SNX24: variants seen among roughly 807,000 people sequenced by gnomAD.
SNX24 encodes the protein sorting nexin-24.
Under a neutral mutation model 28.7 loss-of-function variants are expected in SNX24, and 22 were observed. That is an observed-to-expected ratio of 0.77 (90% CI 0.55 to 1.10). SNX24 has a LOEUF of 1.10. SNX24 is among the 50% of genes least tolerant of loss of function. The pLI is 0.00. For synonymous variants in SNX24, 69 were observed against 71.5 expected, an observed-to-expected ratio of 0.96 and a Z score of 0.18; for missense variants, 221 against 201.1, an observed-to-expected ratio of 1.10 and a Z score of -0.60.
intron 3 of SNX24, among the ~76,000 whole-genome samples, chr5:122,964,533 A>T (rs1049464790): frequency 1.3e-5 from 2 of 152,136 alleles, no homozygotes; most frequent in East Asian, 3.8e-4. Context: ...CAAATATTAT[A>T]TCATCTATAA....
chr5:122,852,095 T>C (rs991619048), intron 1 of SNX24, among the ~76,000 whole-genome samples: 1 of 150,754 alleles, frequency 6.6e-6, no homozygotes, highest in Non-Finnish European at 1.5e-5. Context: ...TATAAATATA[T>C]ACACACACAC....
At chr5:122,940,446 A>C (rs536895113) in intron 2 of SNX24, among the ~76,000 whole-genome samples, 42 of 152,224 alleles carry the variant, frequency 2.8e-4, no homozygotes, top group Admixed American at 6.5e-4. Flanking sequence ...ACTCAAATAC[A>C]CTGAAACGGG....
At chr5:122,849,042 C>G (rs1450375243) in intron 1 of SNX24, among the ~76,000 whole-genome samples, 1 of 152,130 alleles carries the variant, frequency 6.6e-6, no homozygotes, top group Non-Finnish European at 1.5e-5. Flanking sequence ...TAATTTTTTC[C>G]CCAGGTATCT....
intron 1 of SNX24, among the ~76,000 whole-genome samples, chr5:122,899,137 AAC>A (rs1757325811): frequency 6.6e-6 from 1 of 152,160 alleles, no homozygotes; most frequent in South Asian, 2.1e-4. Context: ...CCACCTGAAG[AAC>A]ACAGTCTCTT....
At chr5:122,880,751 A>T (rs1756444556) in intron 1 of SNX24, among the ~76,000 whole-genome samples, 1 of 152,204 alleles carries the variant, frequency 6.6e-6, no homozygotes, top group South Asian at 2.1e-4. Context: ...CAATAGAAGG[A>T]GTAGGGTGTA....
chr5:122,980,369 A>G lies in SNX24; in HGVS notation c.250-19543A>G, dbSNP rs942885976. 2.8e-4 allele frequency among the ~76,000 whole-genome samples: 43 copies of G among 152,064 alleles called. 1 individual carries two copies. The highest frequency in any genetic ancestry group is 1.0e-3 in the African/African-American group (42 of 41,414). On this transcript the variant is annotated intron_variant, in intron 3 of 6. Coordinates refer to ENST00000261369, the MANE Select transcript of SNX24 (RefSeq NM_014035.4). Reference sequence around the variant, plus strand: ...TTATTCCTTATAATGGAAATGTTTTATTGTATGCTATTTTTCTTGTTTGTG... The same window carrying G: ...TTATTCCTTATAATGGAAATGTTTTGTTGTATGCTATTTTTCTTGTTTGTG...
intron 1 of SNX24, among the ~76,000 whole-genome samples, chr5:122,863,314 G>A (rs943044595): frequency 6.6e-6 from 1 of 152,126 alleles, no homozygotes; most frequent in African/African-American, 2.4e-5. Context: ...AGAAGGAGCA[G>A]TATGTGCAAA....
intron 1 of SNX24, among the ~76,000 whole-genome samples, chr5:122,927,739 T>C (rs576767544): frequency 6.6e-6 from 1 of 152,332 alleles, no homozygotes; most frequent in South Asian, 2.1e-4. Context: ...CTTCTGTTTC[T>C]AGGTGATCAG....
intron 5 of SNX24, among the ~76,000 whole-genome samples, chr5:123,027,391 GAAA>G (rs963606488): frequency 6.6e-6 from 1 of 151,876 alleles, no homozygotes; most frequent in Non-Finnish European, 1.5e-5. Context: ...AAGGTAGTGA[GAAA>G]AAAAAGGTAG....
intron 1 of SNX24, among the ~76,000 whole-genome samples, chr5:122,852,114 C>CTATATG (rs1312094449): frequency 4.0e-4 from 60 of 150,262 alleles, no homozygotes; most frequent in African/African-American, 1.4e-3. Context: ...ACATATCTAT[C>CTATATG]TATATCTATA....
chr5:122,923,899 G>T (rs1380152502), intron 1 of SNX24, among the ~76,000 whole-genome samples: 1 of 152,242 alleles, frequency 6.6e-6, no homozygotes, highest in Non-Finnish European at 1.5e-5. Context: ...GTGTGAGAGA[G>T]ACAGAAAACA....
At chr5:123,017,184 G>A (rs1300190724) in intron 5 of SNX24, among the ~76,000 whole-genome samples, 1 of 152,034 alleles carries the variant, frequency 6.6e-6, no homozygotes, top group Non-Finnish European at 1.5e-5. Flanking sequence ...GGCCCCAGGA[G>A]TGCCACATAA....
intron 1 of SNX24, among the ~76,000 whole-genome samples, chr5:122,869,239 G>A (rs1755870047): frequency 6.6e-6 from 1 of 152,174 alleles, no homozygotes; most frequent in Non-Finnish European, 1.5e-5. Flanking sequence ...ATAATTTGGT[G>A]GTAAATGACC....
intron 1 of SNX24, among the ~76,000 whole-genome samples, chr5:122,871,627 G>A (rs568246762): frequency 3.3e-5 from 5 of 152,150 alleles, no homozygotes; most frequent in South Asian, 2.1e-4. Context: ...AAAATTAGCC[G>A]GGTGTGGTGA....
At chr5:122,856,664 C>A (rs1262978514) in intron 1 of SNX24, among the ~76,000 whole-genome samples, 3 of 151,718 alleles carry the variant, frequency 2.0e-5, no homozygotes, top group Non-Finnish European at 4.4e-5. Context: ...TACAGGTGCC[C>A]GCCAACATGC....
rs1332842885 is a variant in SNX24 at position 122,889,699 on chromosome 5, GTATA to G, written c.60+44012_60+44015del. Reference sequence around the variant, plus strand: ...TGTGTATATATATGTATATGTATGTGTATATATATGTATATATATATGTATGTGT... The same window carrying G: ...TGTGTATATATATGTATATGTATGTGTATATGTATATATATATGTATGTGT... On this transcript the variant is annotated intron_variant, in intron 1 of 6. Coordinates refer to ENST00000261369, the MANE Select transcript of SNX24 (RefSeq NM_014035.4). Among the ~76,000 whole-genome samples, 10 of 115,488 alleles carry G rather than the reference GTATA, an allele frequency of 8.7e-5. No homozygotes were observed. The East Asian group carries it at 2.4e-3, about 28-fold the overall frequency. 75.8% of individuals were successfully genotyped at this position (115,488 alleles called of 152,430 possible).
At chr5:123,012,555 GA>G (rs760205958), downstream of SNX24, among the ~76,000 whole-genome samples, 2 of 152,234 alleles carry the variant, frequency 1.3e-5, no homozygotes, top group Non-Finnish European at 2.9e-5. Context: ...TGGGGAAGAT[GA>G]AAACATTCTG....
intron 2 of SNX24, among the ~76,000 whole-genome samples, chr5:122,945,584 A>G (rs1001770010): frequency 6.6e-6 from 1 of 152,188 alleles, no homozygotes; most frequent in Non-Finnish European, 1.5e-5. Context: ...TCTCTCTCCA[A>G]ATGATGTGGT....
chr5:122,924,822 G>A (rs1263713696), intron 1 of SNX24, among the ~76,000 whole-genome samples: 4 of 152,162 alleles, frequency 2.6e-5, no homozygotes, highest in Admixed American at 2.6e-4. Context: ...ATACAGCCAG[G>A]AAGTAGCAGA....
Sources: allele counts gnomAD v4.1 joint callset (sites outside exome capture counted in the v4.1 genomes callset), GRCh38; gene constraint gnomAD v4.1.1; transcripts MANE v1.5; gene names NCBI Gene and HGNC (gene_info 2026-07-23, HGNC 2026-07-21).